RTL9: variants seen among roughly 807,000 people sequenced by gnomAD.
RTL9 encodes the protein retrotransposon Gag-like protein 9.
Under a neutral mutation model 44.7 loss-of-function variants are expected in RTL9, and 19 were observed. The observed-to-expected ratio is 0.42, with a 90% CI of 0.30 to 0.62. The LOEUF is 0.62. Ranked by LOEUF, RTL9 falls within the 20% of genes least tolerant of loss-of-function variation. The pLI is 0.16. For synonymous variants in RTL9, 407 were observed against 398.9 expected (o/e 1.02, Z -0.24); for missense variants, 1,105 against 1,080.6 (o/e 1.02, Z -0.32).
chrX:110,383,034 C>T (rs759347682), intron 1 of RTL9, among the ~76,000 whole-genome samples: 25 of 111,904 alleles, frequency 2.2e-4, no homozygotes, highest in African/African-American at 7.8e-4. Context: ...GATGAAGAGA[C>T]GACTAAGGAG....
At chrX:110,383,935 C>A (rs2068437239) in intron 1 of RTL9, among the ~76,000 whole-genome samples, 1 of 111,942 alleles carries the variant, frequency 8.9e-6, no homozygotes, top group Non-Finnish European at 1.9e-5. Flanking sequence ...ATTACTTCGC[C>A]TTTCTTTGCT....
intron 1 of RTL9, among the ~76,000 whole-genome samples, chrX:110,437,395 C>T (rs1175587448): frequency 8.9e-6 from 1 of 112,430 alleles, no homozygotes; most frequent in Admixed American, 9.4e-5. Context: ...GTCTTCACAA[C>T]ATTATATGAT....
At chrX:110,433,492 G>A (rs181298331) in intron 1 of RTL9, among the ~76,000 whole-genome samples, 173 of 111,556 alleles carry the variant, frequency 1.6e-3, no homozygotes, top group Middle Eastern at 4.6e-3. Flanking sequence ...GGGAGATGGG[G>A]GAAGGAAGGG....
upstream of RTL9, among the ~76,000 whole-genome samples, chrX:110,445,680 G>A (rs772884839): frequency 8.9e-6 from 1 of 112,170 alleles, no homozygotes; most frequent in African/African-American, 3.2e-5. Context: ...CAGCTGGAAA[G>A]CTATTTGTTG....
At chrX:110,384,350 T>C (rs1442027177) in intron 1 of RTL9, among the ~76,000 whole-genome samples, 1 of 111,064 alleles carries the variant, frequency 9.0e-6, no homozygotes, top group Non-Finnish European at 1.9e-5. Flanking sequence ...TGTTGTATGA[T>C]CTCAATCTTC....
intron 1 of RTL9, among the ~76,000 whole-genome samples, chrX:110,428,765 A>C (rs746315002): frequency 1.8e-5 from 2 of 111,441 alleles, no homozygotes; most frequent in African/African-American, 6.5e-5. Flanking sequence ...ACCTCCCCCC[A>C]TTCCCCTATG....
chrX:110,397,999 T>C (rs1402346573), intron 1 of RTL9, among the ~76,000 whole-genome samples: 1 of 112,196 alleles, frequency 8.9e-6, no homozygotes, highest in Non-Finnish European at 1.9e-5. Flanking sequence ...TACCTGCAAG[T>C]CTTAGCATCC....
At chrX:110,404,722 T>G (rs953711975) in intron 1 of RTL9, among the ~76,000 whole-genome samples, 1 of 111,350 alleles carries the variant, frequency 9.0e-6, no homozygotes, top group Admixed American at 9.5e-5. Context: ...TCTGACCACT[T>G]CCCATTAAAT....
At chrX:110,381,907 A>C (rs1019702617) in intron 1 of RTL9, among the ~76,000 whole-genome samples, 3 of 111,296 alleles carry the variant, frequency 2.7e-5, no homozygotes, top group African/African-American at 9.8e-5. Context: ...TAAGGACTCC[A>C]AAAACTATCT....
intron 1 of RTL9, among the ~76,000 whole-genome samples, chrX:110,431,018 A>G (rs1017219890): frequency 2.7e-5 from 3 of 112,055 alleles, no homozygotes; most frequent in African/African-American, 9.8e-5. Context: ...TTGCCTTCAT[A>G]GGCCCTGAGG....
At chrX:110,395,321 C>A (rs1602964602) in intron 1 of RTL9, among the ~76,000 whole-genome samples, 2 of 112,111 alleles carry the variant, frequency 1.8e-5, no homozygotes, top group African/African-American at 6.5e-5. Context: ...CTGTGACTCC[C>A]AGACCTCAAC....
intron 1 of RTL9, among the ~76,000 whole-genome samples, chrX:110,371,166 G>A (rs1218511820): frequency 9.0e-6 from 1 of 110,773 alleles, no homozygotes; most frequent in Non-Finnish European, 1.9e-5. Context: ...GAGAGTTCCC[G>A]TTAGCCCCTA....
chrX:110,418,479 T>C (rs1055951707), upstream of RTL9, among the ~76,000 whole-genome samples: 15 of 111,988 alleles, frequency 1.3e-4, no homozygotes, highest in Admixed American at 5.6e-4. Context: ...GCAGCTAGCA[T>C]AGGCAGTTAG....
chrX:110,408,366 G>A (rs1285993568), intron 1 of RTL9, among the ~76,000 whole-genome samples: 2 of 112,108 alleles, frequency 1.8e-5, no homozygotes, highest in African/African-American at 6.5e-5. Flanking sequence ...ATGCAAGAGG[G>A]TATTCAGAGG....
chrX:110,404,369 A>G (rs1396589740), intron 1 of RTL9, among the ~76,000 whole-genome samples: 1 of 111,675 alleles, frequency 9.0e-6, no homozygotes, highest in Non-Finnish European at 1.9e-5. Flanking sequence ...TATTACACAT[A>G]ATAGGCCTCT....
At chrX:110,382,798 T>G (rs1200285860) in intron 1 of RTL9, among the ~76,000 whole-genome samples, 1 of 112,063 alleles carries the variant, frequency 8.9e-6, no homozygotes, top group Non-Finnish European at 1.9e-5. Context: ...GGGGCCACTG[T>G]GTTAATTAAA....
At chrX:110,454,703 G>T in intron 1 of RTL9, 39 bp downstream of exon 3, 1 of 1,080,957 alleles carries the variant, frequency 9.3e-7, no homozygotes, top group Non-Finnish European at 1.2e-6. Context: ...TTTGAGCAGA[G>T]AAATGAGGAG....
intron 1 of RTL9, among the ~76,000 whole-genome samples, chrX:110,439,594 A>G (rs2068864849): frequency 8.9e-6 from 1 of 112,321 alleles, no homozygotes; most frequent in Non-Finnish European, 1.9e-5. Context: ...GTCCAACATA[A>G]GAAATCAGGT....
chrX:110,372,971 C>T (rs1279663932), intron 1 of RTL9, among the ~76,000 whole-genome samples: 2 of 111,926 alleles, frequency 1.8e-5, no homozygotes, highest in East Asian at 2.8e-4. Flanking sequence ...AAGCAGATTT[C>T]CCAAATAGTC....
Sources: allele counts gnomAD v4.1 joint callset (sites outside exome capture counted in the v4.1 genomes callset), GRCh38; gene constraint gnomAD v4.1.1; transcripts MANE v1.5; gene names NCBI Gene and HGNC (gene_info 2026-07-23, HGNC 2026-07-21).